The following AKT3 variants were observed in gnomAD, a reference collection of about 807,000 sequenced individuals.
AKT3 encodes AKT serine/threonine kinase 3, also known as RAC-gamma serine/threonine-protein kinase.
Under a neutral mutation model 65.3 loss-of-function variants are expected in AKT3, and 15 were observed. The observed-to-expected ratio is 0.23, with a 90% CI of 0.15 to 0.35. The LOEUF is 0.35. AKT3 is among the 10% of genes least tolerant of loss of function. The pLI is 1.00. For synonymous variants in AKT3, 206 were observed against 183.8 expected, an observed-to-expected ratio of 1.12 and a Z score of -0.98; for missense variants, 243 against 576.5, an observed-to-expected ratio of 0.42 and a Z score of 5.92.
intron 3 of AKT3, among the ~76,000 whole-genome samples, chr1:243,666,740 C>T (rs1682808381): frequency 6.6e-6 from 1 of 152,106 alleles, no homozygotes; most frequent in Admixed American, 6.5e-5. Context: ...CCTAGACTAC[C>T]CAACATCATA....
intron 2 of AKT3, among the ~76,000 whole-genome samples, chr1:243,726,306 G>A (rs1180659328): frequency 6.6e-6 from 1 of 152,172 alleles, no homozygotes; most frequent in Non-Finnish European, 1.5e-5. Context: ...TTCCAGTGGT[G>A]AAATCTGGAA....
At chr1:243,663,849 T>G (rs1682571454) in intron 4 of AKT3, among the ~76,000 whole-genome samples, 1 of 152,160 alleles carries the variant, frequency 6.6e-6, no homozygotes, top group African/African-American at 2.4e-5. Context: ...TAACTCAGTA[T>G]CAGAGTGAGC....
intron 8 of AKT3, among the ~76,000 whole-genome samples, chr1:243,593,463 G>GCCC (rs1226943177): frequency 6.6e-6 from 1 of 152,166 alleles, no homozygotes; most frequent in Non-Finnish European, 1.5e-5. Context: ...TAGGTGCGTG[G>GCCC]ATCACTTGAG....
At chr1:243,785,832 A>G (rs1691226688) in intron 2 of AKT3, among the ~76,000 whole-genome samples, 1 of 152,228 alleles carries the variant, frequency 6.6e-6, no homozygotes, top group Non-Finnish European at 1.5e-5. Flanking sequence ...TCACAGAAAC[A>G]TATCCCACTC....
At chr1:243,594,565 C>T (rs1170524482) in intron 8 of AKT3, among the ~76,000 whole-genome samples, 2 of 152,104 alleles carry the variant, frequency 1.3e-5, no homozygotes, top group Admixed American at 6.6e-5. Flanking sequence ...GAAACAGACC[C>T]ATATGTGTGA....
intron 4 of AKT3, among the ~76,000 whole-genome samples, chr1:243,646,359 T>C (rs998880074): frequency 1.3e-5 from 2 of 150,506 alleles, no homozygotes; most frequent in Non-Finnish European, 3.0e-5. Flanking sequence ...ATATATATCC[T>C]ACTTTTTTTT....
At chr1:243,846,888 T>G (rs539296637) in intron 1 of AKT3, among the ~76,000 whole-genome samples, 1 of 152,324 alleles carries the variant, frequency 6.6e-6, no homozygotes, top group Non-Finnish European at 1.5e-5. Flanking sequence ...TTCAAAAGTG[T>G]AGCAGGGGTT....
intron 2 of AKT3, among the ~76,000 whole-genome samples, chr1:243,735,944 T>C (rs1687821393): frequency 6.6e-6 from 1 of 152,222 alleles, no homozygotes; most frequent in Admixed American, 6.5e-5. Context: ...AAATACATCC[T>C]AAATAAATAT....
At chr1:243,585,149 C>CA (rs1675698352) in intron 8 of AKT3, among the ~76,000 whole-genome samples, 1 of 151,300 alleles carries the variant, frequency 6.6e-6, no homozygotes, top group African/African-American at 2.4e-5. Flanking sequence ...GCCACACACA[C>CA]AAAAAAATCC....
chr1:243,821,378 G>A (rs889040478), intron 2 of AKT3, among the ~76,000 whole-genome samples: 7 of 151,994 alleles, frequency 4.6e-5, no homozygotes, highest in South Asian at 2.1e-4. Flanking sequence ...ACATCAACAC[G>A]TCTGCAAAAC....
chr1:243,843,233 T>C lies in AKT3; in HGVS notation c.-63A>G, dbSNP rs1695355657. 13 of 1,575,070 alleles carry C rather than the reference T, an allele frequency of 8.3e-6. No individual in the cohort carries two copies. In the East Asian group the frequency reaches 2.3e-4, roughly 28 times the overall value. The stretch of plus-strand genomic sequence containing the variant: ...TACTTTGTGATATCAGCTTTAGGGT[T>C]TGGATTCTCTGCTGCTGCTGCCCTT... On this transcript the variant is annotated 5_prime_UTR_variant, in exon 2 of 14. Transcript: ENST00000673466.
chr1:243,489,133 G>T, intron 13 of AKT3: 4 of 1,612,264 alleles, frequency 2.5e-6, no homozygotes, highest in Non-Finnish European at 3.4e-6. Flanking sequence ...GACCGGCTGC[G>T]GACCCAGGTA....
Position 243,502,721 on chromosome 1 carries a change from C to A in AKT3, c.*2528G>T. On this transcript the variant is annotated 3_prime_UTR_variant, in exon 14 of 14. Coordinates refer to ENST00000673466, the MANE Select transcript of AKT3 (RefSeq NM_005465.7). ...AGCCAAGAAGACACCTTGTGTGACA[C>A]CAATGGAGTCTCAGAGGGTGGAATA... 2 of 233,262 alleles carry A rather than the reference C, an allele frequency of 8.6e-6. No homozygotes were observed. Among genetic ancestry groups the A allele is most frequent in the Non-Finnish European group, 1.7e-5 (2 of 118,040 alleles). The allele number at this position is 233,262 out of a possible 1,614,324, so 14.4% of individuals were successfully genotyped here.
At position 243,843,105 on chromosome 1, in the gene AKT3, T is replaced by C. The variant is rs1028030324; in HGVS notation, c.46+20A>G. 2 of 1,613,312 alleles carry C rather than the reference T, an allele frequency of 1.2e-6. No individual in the cohort carries two copies. The highest frequency in any genetic ancestry group is 1.1e-5 in the South Asian group (1 of 90,922). On this transcript the variant is annotated intron_variant, in intron 2 of 13. Coordinates refer to ENST00000673466, the MANE Select transcript of AKT3 (RefSeq NM_005465.7). ...AGCACTCTTACCAACCGTATTATTT[T>C]TGGTTTGCGGAGCACTTACCCCTCT...
intron 6 of AKT3, among the ~76,000 whole-genome samples, chr1:243,617,258 G>A (rs1678400788): frequency 6.7e-6 from 1 of 150,204 alleles, no homozygotes; most frequent in Non-Finnish European, 1.5e-5. Context: ...CTGCTCTCAT[G>A]GAGCTTTAGT....
chr1:243,661,795 C>A (rs1326422114), intron 4 of AKT3, among the ~76,000 whole-genome samples: 2,603 of 73,186 alleles, frequency 0.036, no homozygotes, highest in Admixed American at 0.052. Flanking sequence ...AAAATTTTCA[C>A]AACCTACTCA....
chr1:243,793,179 C>A (rs1360934590), intron 2 of AKT3: 14 of 152,160 alleles, frequency 9.2e-5, no homozygotes, highest in Admixed American at 7.2e-4. Flanking sequence ...AAATACATGA[C>A]AAGAAACACA....
chr1:243,563,886 T>C, intron 9 of AKT3, 38 bp from the exon 10 acceptor site: 1 of 1,563,024 alleles, frequency 6.4e-7, no homozygotes, highest in South Asian at 1.2e-5. Context: ...TGTTCTATAG[T>C]CTTCAACAAC....
intron 2 of AKT3, among the ~76,000 whole-genome samples, chr1:243,731,742 G>C (rs1357116083): frequency 6.6e-6 from 1 of 152,252 alleles, no homozygotes; most frequent in Middle Eastern, 3.4e-3. Flanking sequence ...TAAGCTCTGG[G>C]TTGGAATTCC....
Sources: allele counts gnomAD v4.1 joint callset (sites outside exome capture counted in the v4.1 genomes callset), GRCh38; gene constraint gnomAD v4.1.1; transcripts MANE v1.5; gene names NCBI Gene and HGNC (gene_info 2026-07-23, HGNC 2026-07-21).